FBXO11: variants seen among roughly 807,000 people sequenced by gnomAD.
FBXO11 encodes the protein F-box protein 11, also known as F-box only protein 11.
In FBXO11, 13 loss-of-function variants were observed where a neutral mutation model predicts 117.0. The observed-to-expected ratio is 0.11, with a 90% CI of 0.07 to 0.18. FBXO11 has a LOEUF of 0.18. FBXO11 is among the 10% of genes least tolerant of loss of function. The pLI, the probability that FBXO11 is intolerant of heterozygous loss-of-function variation, is 1.00. For missense variants in FBXO11, 767 were observed against 1,164.4 expected (o/e 0.66, Z 4.97); for synonymous variants, 490 against 380.5 (o/e 1.29, Z -3.35).
chr2:47,810,632 T>TG (rs1670545670), intron 18 of FBXO11: 1 of 456,764 alleles, frequency 2.2e-6, no homozygotes, highest in Non-Finnish European at 3.9e-6. Flanking sequence ...AAGAGCATTC[T>TG]GACCAATAAT....
At chr2:47,857,696 A>T (rs533276350) in intron 1 of FBXO11, among the ~76,000 whole-genome samples, 191 of 152,326 alleles carry the variant, frequency 1.3e-3, no homozygotes, top group Non-Finnish European at 2.1e-3. Context: ...GAGCAAAGCT[A>T]ACTCAGGAGC....
chr2:47,823,715 T>G (rs1036421327), intron 11 of FBXO11, among the ~76,000 whole-genome samples: 3 of 151,778 alleles, frequency 2.0e-5, no homozygotes, highest in African/African-American at 2.4e-5. Flanking sequence ...ATTGCGCCAC[T>G]GCACTCCAGC....
intron 1 of FBXO11, chr2:47,883,401 T>C: frequency 6.1e-6 from 2 of 326,148 alleles, no homozygotes; most frequent in Non-Finnish European, 1.2e-5. Context: ...TTCTCCTGTA[T>C]CCCCTAATCT....
At chr2:47,873,899 G>A (rs536965503) in intron 1 of FBXO11, among the ~76,000 whole-genome samples, 5 of 152,162 alleles carry the variant, frequency 3.3e-5, no homozygotes, top group African/African-American at 1.2e-4. Flanking sequence ...TATTGTAAGG[G>A]CAGCTGGCTT....
At chr2:47,870,740 T>A (rs889976029) in intron 1 of FBXO11, among the ~76,000 whole-genome samples, 1 of 152,212 alleles carries the variant, frequency 6.6e-6, no homozygotes, top group African/African-American at 2.4e-5. Context: ...TTTGATATGG[T>A]AGCACTAGAA....
chr2:47,899,304 A>T (rs1386228211), intron 1 of FBXO11, among the ~76,000 whole-genome samples: 2 of 151,850 alleles, frequency 1.3e-5, no homozygotes, highest in Non-Finnish European at 2.9e-5. Flanking sequence ...GAATTGGTAT[A>T]AGCTTCAACA....
chr2:47,887,480 C>G (rs1676948769), intron 1 of FBXO11, among the ~76,000 whole-genome samples: 1 of 152,088 alleles, frequency 6.6e-6, no homozygotes, highest in African/African-American at 2.4e-5. Flanking sequence ...GTAATCCCAG[C>G]ACTTTGTGAG....
chr2:47,836,944 C>T (rs1409515929), intron 4 of FBXO11: 7 of 388,378 alleles, frequency 1.8e-5, no homozygotes, highest in Non-Finnish European at 3.0e-5. Context: ...CAGTATGTTG[C>T]CCAGGCTGGT....
rs1445827333 is a variant in FBXO11 at position 47,860,842 on chromosome 2, TA to T, written c.233-21074del. ...AAAAAAAAAATCAGTTGTTTTCCCC[TA>T]TTTTTTTTTTTTTTTTTTTTGAGAC... On this transcript the variant is annotated intron_variant, in intron 1 of 22. Coordinates refer to ENST00000403359, the MANE Select transcript of FBXO11 (RefSeq NM_001190274.2). Among the ~76,000 whole-genome samples, 32 of 118,308 alleles carry T rather than the reference TA, an allele frequency of 2.7e-4. No individual in the cohort carries two copies. In the South Asian group the frequency reaches 4.7e-3, roughly 17 times the overall value. The allele number at this position is 118,308 out of a possible 152,430, so 77.6% of individuals were successfully genotyped here.
At chr2:47,896,330 C>CT (rs369438123) in intron 1 of FBXO11, among the ~76,000 whole-genome samples, 13,875 of 142,898 alleles carry the variant, frequency 0.097, 850 homozygotes, top group Non-Finnish European at 0.14. Flanking sequence ...TGTTTCTTTT[C>CT]TTTTTTTTTT....
intron 1 of FBXO11, among the ~76,000 whole-genome samples, chr2:47,861,202 T>C (rs1023160727): frequency 2.6e-5 from 4 of 152,164 alleles, no homozygotes; most frequent in Non-Finnish European, 5.9e-5. Flanking sequence ...TCAAACTTAG[T>C]TGTACACTGT....
chr2:47,870,712 G>C (rs1185052834), intron 1 of FBXO11, among the ~76,000 whole-genome samples: 2 of 152,170 alleles, frequency 1.3e-5, no homozygotes, highest in African/African-American at 4.8e-5. Context: ...GTTGTTTCAA[G>C]CTCCCAGTGT....
intron 1 of FBXO11, among the ~76,000 whole-genome samples, chr2:47,893,639 C>A (rs1677434420): frequency 6.6e-6 from 1 of 152,180 alleles, no homozygotes; most frequent in East Asian, 1.9e-4. Flanking sequence ...AGGGCAAGAA[C>A]TACGTTTGCA....
chr2:47,906,391 C>T lies in FBXO11; in HGVS notation c.-671G>A, dbSNP rs969337038. On this transcript the variant is annotated 5_prime_UTR_variant, in exon 1 of 23. Coordinates refer to ENST00000403359, the MANE Select transcript of FBXO11 (RefSeq NM_001190274.2). ...AAAAAGAGGCGTCGTCCTTCCTCCT[C>T]CTTAAAGGAACCTTTCCTCCTCCTC... Among the ~76,000 whole-genome samples, 11 of 152,186 alleles carry T rather than the reference C, an allele frequency of 7.2e-5. No homozygotes were observed. Among genetic ancestry groups the T allele is most frequent in the Admixed American group, 6.5e-4 (10 of 15,280 alleles).
chr2:47,829,560 A>G (rs1472767229), intron 11 of FBXO11, among the ~76,000 whole-genome samples: 1 of 152,182 alleles, frequency 6.6e-6, no homozygotes, highest in Non-Finnish European at 1.5e-5. Flanking sequence ...TTTTAATCTT[A>G]TTTTACAAAA....
At chr2:47,842,007 T>A (rs1673046454) in intron 1 of FBXO11, among the ~76,000 whole-genome samples, 1 of 149,934 alleles carries the variant, frequency 6.7e-6, no homozygotes, top group Non-Finnish European at 1.5e-5. Flanking sequence ...GAGGAGAATA[T>A]CAGTTTTATT....
intron 1 of FBXO11, among the ~76,000 whole-genome samples, chr2:47,875,996 C>T (rs1572888651): frequency 1.3e-5 from 2 of 152,178 alleles, no homozygotes; most frequent in Non-Finnish European, 2.9e-5. Flanking sequence ...ATCCTCCCCA[C>T]AACAACTATG....
At chr2:47,877,974 T>C (rs956117588) in intron 1 of FBXO11, among the ~76,000 whole-genome samples, 2 of 152,018 alleles carry the variant, frequency 1.3e-5, no homozygotes, top group African/African-American at 4.8e-5. Context: ...TGAGCCACCG[T>C]GCCTGGCCCA....
chr2:47,837,443 C>T (rs1265365072), intron 4 of FBXO11, among the ~76,000 whole-genome samples: 1 of 152,178 alleles, frequency 6.6e-6, no homozygotes, highest in African/African-American at 2.4e-5. Context: ...AGGAGAATTG[C>T]TTGAACCCGG....
Sources: gnomAD v4.1 joint callset for allele counts (sites outside exome capture counted in the v4.1 genomes callset) on GRCh38, gnomAD v4.1.1 for gene constraint, MANE v1.5 for transcripts, NCBI Gene and HGNC (gene_info 2026-07-23, HGNC 2026-07-21) for gene names.